NUP93: variants seen among roughly 807,000 people sequenced by gnomAD.
NUP93 encodes the protein nucleoporin 93.
In NUP93, 55 loss-of-function variants were observed where a neutral mutation model predicts 107.8. The ratio of observed to expected loss-of-function variants is 0.51; its 90% confidence interval spans 0.41 to 0.64. The LOEUF (loss-of-function observed/expected upper bound fraction) is 0.64. Among genes scored for constraint, NUP93 ranks in the 30% least tolerant of loss-of-function variants. The pLI is 0.00. For missense variants in NUP93, 937 were observed against 1,044.7 expected (o/e 0.90, Z 1.42); for synonymous variants, 390 against 397.5 (o/e 0.98, Z 0.22).
chr16:56,730,262 C>T lies in NUP93; in HGVS notation c.-15+51C>T, dbSNP rs1961509542. The stretch of plus-strand genomic sequence containing the variant: ...TGCGACCCTGGGCTTGTCCTTGAAC[C>T]CAGGACCCCGTGACTGGGTGGAGCG... On this transcript the variant is annotated intron_variant, in intron 1 of 21. Transcript: ENST00000308159. 2.0e-5 allele frequency: 3 copies of T among 152,472 alleles called. No individual in the cohort carries two copies. The South Asian group carries it at 6.2e-4, about 32-fold the overall frequency. The allele number at this position is 152,472 out of a possible 1,614,324, so 9.4% of individuals were successfully genotyped here. A position where few individuals can be genotyped will look rare whatever the true frequency, so the allele number is the denominator to read the frequency against.
chr16:56,746,090 A>G (rs1329190767), intron 1 of NUP93, among the ~76,000 whole-genome samples: 1 of 152,166 alleles, frequency 6.6e-6, no homozygotes, highest in East Asian at 1.9e-4. Flanking sequence ...CTCATGAAAG[A>G]AAAAAGTATT....
At chr16:56,781,844 TTG>T in intron 3 of NUP93, 3 of 985,292 alleles carry the variant, frequency 3.0e-6, no homozygotes, top group Non-Finnish European at 3.6e-6. Flanking sequence ...TCCCATCAGT[TTG>T]TGCTTTCAAA....
intron 3 of NUP93, among the ~76,000 whole-genome samples, chr16:56,758,949 G>A (rs1962076490): frequency 6.6e-6 from 1 of 152,208 alleles, no homozygotes; most frequent in South Asian, 2.1e-4. Flanking sequence ...CCAAGGCTCA[G>A]AGACATTAGT....
chr16:56,791,968 A>C (rs753631260), intron 3 of NUP93, among the ~76,000 whole-genome samples: 13 of 152,200 alleles, frequency 8.5e-5, no homozygotes, highest in Non-Finnish European at 1.6e-4. Context: ...ATTGAAACAA[A>C]AGTTTCACAA....
In NUP93 at chr16:56,821,689, G is replaced by A. The variant is rs1381587241; in HGVS notation, c.654+96G>A. On this transcript the variant is annotated intron_variant, in intron 7 of 21. Coordinates refer to ENST00000308159, the MANE Select transcript of NUP93 (RefSeq NM_014669.5). ...TGGTTGAAATGTGCTGCGGAGACAC[G>A]CCATTCTGTGGAATGAAATGTTAAC... is the stretch of plus-strand genomic sequence containing the variant. The A allele has an allele frequency of 5.6e-6, 4 of 709,678 alleles. No individual in the cohort carries two copies. The Admixed American group carries it at 6.8e-5, about 12-fold the overall frequency. The allele number at this position is 709,678 out of a possible 1,614,324, so 44.0% of individuals were successfully genotyped here. A position where few individuals can be genotyped will look rare whatever the true frequency, so the allele number is the denominator to read the frequency against.
At chr16:56,762,077 T>C (rs1962137710) in intron 3 of NUP93, among the ~76,000 whole-genome samples, 1 of 152,218 alleles carries the variant, frequency 6.6e-6, no homozygotes, top group African/African-American at 2.4e-5. Flanking sequence ...GACATACTAC[T>C]AAAACAGCTG....
At chr16:56,809,290 TG>T (rs1278594976) in intron 5 of NUP93, among the ~76,000 whole-genome samples, 1 of 152,180 alleles carries the variant, frequency 6.6e-6, no homozygotes, top group Non-Finnish European at 1.5e-5. Flanking sequence ...TCTGAGGCTT[TG>T]TCCAAGTTAC....
chr16:56,795,423 A>G (rs1238849884), intron 3 of NUP93, among the ~76,000 whole-genome samples: 1 of 152,166 alleles, frequency 6.6e-6, no homozygotes, highest in East Asian at 1.9e-4. Flanking sequence ...CCCCTGTGAT[A>G]GCCAAAAGCA....
chr16:56,768,862 GTC>G (rs1159776614), intron 3 of NUP93, among the ~76,000 whole-genome samples: 2 of 79,582 alleles, frequency 2.5e-5, no homozygotes, highest in Admixed American at 3.1e-4. Context: ...GCAAGACTCT[GTC>G]TCAAAAAAAA....
chr16:56,751,218 T>C (rs1435565005), intron 2 of NUP93, among the ~76,000 whole-genome samples: 2 of 152,178 alleles, frequency 1.3e-5, no homozygotes, highest in African/African-American at 4.8e-5. Context: ...TCCCTAACTT[T>C]GTCATCCAAC....
intron 4 of NUP93, among the ~76,000 whole-genome samples, chr16:56,804,015 A>T (rs1194479234): frequency 6.6e-6 from 1 of 152,112 alleles, no homozygotes; most frequent in Non-Finnish European, 1.5e-5. Context: ...GCCTCCCAAA[A>T]GTGCTGGGAT....
At chr16:56,749,878 T>G (rs1372223385) in intron 2 of NUP93, among the ~76,000 whole-genome samples, 2 of 152,240 alleles carry the variant, frequency 1.3e-5, no homozygotes, top group African/African-American at 4.8e-5. Flanking sequence ...AGCCAACTGC[T>G]TCCCTACACT....
intron 3 of NUP93, among the ~76,000 whole-genome samples, chr16:56,788,539 T>G (rs1827560656): frequency 6.6e-6 from 1 of 152,244 alleles, no homozygotes; most frequent in South Asian, 2.1e-4. Context: ...TTAACTTGTT[T>G]GCACTCCATA....
chr16:56,734,082 C>T (rs747831559), intron 1 of NUP93, among the ~76,000 whole-genome samples: 5 of 152,188 alleles, frequency 3.3e-5, no homozygotes, highest in Non-Finnish European at 7.3e-5. Flanking sequence ...TTCCCAGACT[C>T]AAGGAGCCTG....
chr16:56,750,847 G>A (rs1466881781), intron 2 of NUP93, among the ~76,000 whole-genome samples: 2 of 152,128 alleles, frequency 1.3e-5, no homozygotes, highest in Non-Finnish European at 2.9e-5. Context: ...ATACCCATGT[G>A]CACATTTTAT....
Position 56,805,484 on chromosome 16 carries a change from T to A in NUP93, c.361-20T>A. ...TTGTTTTTTTCCTGAGGGTCATTGTTCTCTGTTCCTTTCTGGCAGACCTTC... is the reference window on the plus strand; with the variant it reads ...TTGTTTTTTTCCTGAGGGTCATTGTACTCTGTTCCTTTCTGGCAGACCTTC... On this transcript the variant is annotated intron_variant, in intron 4 of 21. Transcript: ENST00000308159. 1 of 1,613,338 alleles carries A rather than the reference T, an allele frequency of 6.2e-7. No individual in the cohort carries two copies. The highest frequency in any genetic ancestry group is 8.5e-7 in the Non-Finnish European group (1 of 1,179,400).
intron 2 of NUP93, among the ~76,000 whole-genome samples, chr16:56,757,542 T>C (rs550402522): frequency 5.3e-5 from 8 of 152,328 alleles, no homozygotes; most frequent in African/African-American, 1.9e-4. Context: ...AAGTTTCTTT[T>C]TTACAGAGAG....
intron 2 of NUP93, among the ~76,000 whole-genome samples, chr16:56,748,691 G>T (rs141143626): frequency 6.6e-6 from 1 of 152,128 alleles, no homozygotes; most frequent in African/African-American, 2.4e-5. Context: ...AAAGAGCCCT[G>T]TCATGCTGAA....
chr16:56,781,488 C>A (rs1215402036), intron 3 of NUP93, among the ~76,000 whole-genome samples: 2 of 152,116 alleles, frequency 1.3e-5, no homozygotes, highest in East Asian at 1.9e-4. Context: ...TGTATAAAAT[C>A]TTTTAACTAC....
Sources: gnomAD v4.1 joint callset for allele counts (sites outside exome capture counted in the v4.1 genomes callset) on GRCh38, gnomAD v4.1.1 for gene constraint, MANE v1.5 for transcripts, NCBI Gene and HGNC (gene_info 2026-07-23, HGNC 2026-07-21) for gene names.